GATA5: variants seen among roughly 807,000 people sequenced by gnomAD.
The protein encoded by GATA5 is GATA binding protein 5, also known as transcription factor GATA-5.
In GATA5, 27 loss-of-function variants were observed where a neutral mutation model predicts 35.0. That is an observed-to-expected ratio of 0.77 (90% CI 0.57 to 1.06). GATA5 has a LOEUF of 1.06. Ranked by LOEUF, GATA5 falls within the 50% of genes least tolerant of loss-of-function variation. The probability of loss-of-function intolerance (pLI) is 0.00; values close to 1 mark genes in which losing one functional copy is unlikely to be tolerated. For synonymous variants in GATA5, 306 were observed against 267.8 expected, an observed-to-expected ratio of 1.14 and a Z score of -1.39; for missense variants, 612 against 580.0, an observed-to-expected ratio of 1.06 and a Z score of -0.57.
chr20:62,467,759 G>C (rs1470979918), intron 3 of GATA5, among the ~76,000 whole-genome samples: 4 of 152,242 alleles, frequency 2.6e-5, no homozygotes, highest in Non-Finnish European at 5.9e-5. Context: ...CATGCCCCCA[G>C]ATTCTCTAGC....
intron 2 of GATA5, among the ~76,000 whole-genome samples, chr20:62,473,893 C>T (rs943353693): frequency 5.3e-5 from 8 of 152,188 alleles, no homozygotes; most frequent in African/African-American, 1.4e-4. Flanking sequence ...GCACTGGCCT[C>T]TGCCTGTTTG....
chr20:62,472,560 T>G (rs564332935), intron 3 of GATA5, among the ~76,000 whole-genome samples: 51 of 152,368 alleles, frequency 3.3e-4, no homozygotes, highest in African/African-American at 1.2e-3. Flanking sequence ...GAACATACCC[T>G]TGCTCAGCCT....
At chr20:62,472,684 C>T (rs1402174012) in intron 3 of GATA5, among the ~76,000 whole-genome samples, 3 of 152,204 alleles carry the variant, frequency 2.0e-5, no homozygotes, top group Non-Finnish European at 2.9e-5. Context: ...CCTGGGGAAA[C>T]GTATAGAACA....
rs1221820573 is a variant in GATA5, at chr20:62,464,744, G to C, written c.*92C>G. 1.7e-6 allele frequency: 2 copies of C among 1,155,120 alleles called. No homozygotes were observed. The highest frequency in any genetic ancestry group is 2.6e-5 in the Admixed American group (1 of 38,150). 71.6% of individuals were successfully genotyped at this position (1,155,120 alleles called of 1,614,324 possible). On this transcript the variant is annotated 3_prime_UTR_variant, in exon 7 of 7. Coordinates refer to ENST00000252997, the MANE Select transcript of GATA5 (RefSeq NM_080473.5). ...AGTCTCTGGGTTGGGGGGCCTGCTGGTCTCTGCTGTGCTGGAGCAAAGCAG... is the reference window on the plus strand; with the variant it reads ...AGTCTCTGGGTTGGGGGGCCTGCTGCTCTCTGCTGTGCTGGAGCAAAGCAG...
intron 2 of GATA5, among the ~76,000 whole-genome samples, chr20:62,474,204 G>A (rs1401038345): frequency 6.6e-6 from 1 of 152,232 alleles, no homozygotes; most frequent in Non-Finnish European, 1.5e-5. Flanking sequence ...CGCACACTGT[G>A]CGGCTGGGGG....
Position 62,466,463 on chromosome 20 carries a change from A to G in GATA5, c.788T>C (p.Val263Ala). The change falls in exon 4 of 7, where the codon GTG (valine) becomes GCG (alanine). Residue 263 changes from valine to alanine, a missense_variant. Physicochemically the swap from Val to Ala is moderately conservative, Grantham distance 64. Transcript: ENST00000252997. ...CATGTAGAGGCCGCAGGCATTGCAC[A>G]CGGGCTCCCCCTCCGAGTTCCGCCG... ...LWRRNSEGEP[V>A]CNACGLYMKL... 2 of 1,583,634 alleles carry G rather than the reference A, an allele frequency of 1.3e-6. No individual in the cohort carries two copies. Among genetic ancestry groups the G allele is most frequent in the South Asian group, 2.3e-5 (2 of 86,764 alleles).
At chr20:62,468,213 C>T (rs1423300541) in intron 3 of GATA5, among the ~76,000 whole-genome samples, 3 of 151,826 alleles carry the variant, frequency 2.0e-5, no homozygotes, top group African/African-American at 4.8e-5. Context: ...CAGCCAGCCT[C>T]GGCTTCCCCG....
At chr20:62,473,369 C>A (rs782412130) in intron 3 of GATA5, 34 bp downstream of exon 3, 1 of 1,578,726 alleles carries the variant, frequency 6.3e-7, no homozygotes, top group East Asian at 2.3e-5. Flanking sequence ...GGGAGCACTG[C>A]GCCCAGGCGC....
At chr20:62,468,127 C>G (rs905330484) in intron 3 of GATA5, among the ~76,000 whole-genome samples, 1 of 150,110 alleles carries the variant, frequency 6.7e-6, no homozygotes, top group Non-Finnish European at 1.5e-5. Flanking sequence ...TGAGCAGACA[C>G]AGCCAGCCTC....
Position 62,470,480 on chromosome 20 carries a change from C to T in GATA5, c.699+2923G>A, listed in dbSNP as rs1195541007. Among the ~76,000 whole-genome samples the T allele has an allele frequency of 6.6e-6, 1 of 152,202 alleles. No individual in the cohort carries two copies. Among genetic ancestry groups the T allele is most frequent in the East Asian group, 1.9e-4 (1 of 5,192 alleles). ...TGTAGTAAGCACTTGATACAGTGCC[C>T]ATGCCCCTTGCTGGCCGAGGACAAA... is the stretch of plus-strand genomic sequence containing the variant. On this transcript the variant is annotated intron_variant, in intron 3 of 6. Transcript: ENST00000252997. The surrounding 1 kb of genome is among the most constrained non-coding windows in gnomAD (Gnocchi z 4.6).
chr20:62,472,212 C>A (rs1601518540), intron 3 of GATA5, among the ~76,000 whole-genome samples: 1 of 152,064 alleles, frequency 6.6e-6, no homozygotes, highest in African/African-American at 2.4e-5. Context: ...TGGGAGGAGG[C>A]TGGGCCTGCA....
chr20:62,468,320 C>T (rs1555896280), intron 3 of GATA5, among the ~76,000 whole-genome samples: 3 of 152,270 alleles, frequency 2.0e-5, no homozygotes, highest in South Asian at 4.1e-4. Flanking sequence ...CCTCGGTTTC[C>T]CCATCTGTTA....
intron 2 of GATA5, among the ~76,000 whole-genome samples, chr20:62,474,414 C>T (rs1032474311): frequency 5.9e-5 from 9 of 152,236 alleles, no homozygotes; most frequent in Non-Finnish European, 1.2e-4. Flanking sequence ...CCGGCGGGGT[C>T]CCAAAGGCAG....
chr20:62,473,839 T>G (rs1989783925), intron 2 of GATA5, among the ~76,000 whole-genome samples: 1 of 152,236 alleles, frequency 6.6e-6, no homozygotes, highest in Non-Finnish European at 1.5e-5. Flanking sequence ...AAACAGAACC[T>G]GAAGACAGAC....
At chr20:62,465,993 CA>C (rs1250009835) in intron 4 of GATA5, 72 bp from the exon 5 acceptor site, 2 of 1,069,800 alleles carry the variant, frequency 1.9e-6, no homozygotes, top group Non-Finnish European at 2.8e-6. Flanking sequence ...AGCACCCCCT[CA>C]TTCCAGCCCC....
chr20:62,468,909 C>G (rs1294494726), intron 3 of GATA5, among the ~76,000 whole-genome samples: 1 of 152,244 alleles, frequency 6.6e-6, no homozygotes, highest in Non-Finnish European at 1.5e-5. Flanking sequence ...CCCAGGGCCC[C>G]CAGATGGTGT....
At chr20:62,472,490 G>A (rs1304185472) in intron 3 of GATA5, among the ~76,000 whole-genome samples, 2 of 152,222 alleles carry the variant, frequency 1.3e-5, no homozygotes, top group Non-Finnish European at 2.9e-5. Context: ...GACGGCGGGA[G>A]CTGGCTGATC....
Position 62,475,070 on chromosome 20 carries a change from G to T in GATA5, c.452C>A (p.Ala151Asp). 7.1e-7 allele frequency: 1 copy of T among 1,413,462 alleles called. No homozygotes were observed. Among genetic ancestry groups the T allele is most frequent in the Non-Finnish European group, 9.3e-7 (1 of 1,080,710 alleles). The allele number at this position is 1,413,462 out of a possible 1,614,324, so 87.6% of individuals were successfully genotyped here. The change falls in exon 2 of 7, where the codon GCC becomes GAC. Residue 151 changes from alanine to aspartate, a missense_variant. Physicochemically the swap from Ala to Asp is moderately radical, Grantham distance 126. Transcript: ENST00000252997. ...GAAGGGCCCGGCAGTCCAGGACTGGGCCACGTCGGGGCTCACGTAGGCCGG... is the reference window on the plus strand; with the variant it reads ...GAAGGGCCCGGCAGTCCAGGACTGGTCCACGTCGGGGCTCACGTAGGCCGG... ...TYPAYVSPDV[A>D]QSWTAGPFDG...
intron 4 of GATA5, 45 bp from the exon 5 acceptor site, chr20:62,465,966 C>A: frequency 7.3e-7 from 1 of 1,378,100 alleles, no homozygotes; most frequent in Non-Finnish European, 1.0e-6. Context: ...TCCCTGCTCA[C>A]CCCGGGCCCC....
Sources: allele counts gnomAD v4.1 joint callset (sites outside exome capture counted in the v4.1 genomes callset), GRCh38; gene constraint gnomAD v4.1.1; non-coding constraint Gnocchi (gnomAD v3.1); transcripts MANE v1.5; gene names NCBI Gene and HGNC (gene_info 2026-07-23, HGNC 2026-07-21).